The following MRPS6 variants were observed in gnomAD, a reference collection of about 807,000 sequenced individuals.
MRPS6 encodes the protein mitochondrial ribosomal protein S6, also known as small ribosomal subunit protein bS6m.
In MRPS6, 6 loss-of-function variants were observed where a neutral mutation model predicts 13.1. That is an observed-to-expected ratio of 0.46 (90% CI 0.25 to 0.91). MRPS6 has a LOEUF of 0.91. Ranked by LOEUF, MRPS6 falls within the 40% of genes least tolerant of loss-of-function variation. The probability of loss-of-function intolerance (pLI) is 0.18; values close to 1 mark genes in which losing one functional copy is unlikely to be tolerated. For synonymous variants in MRPS6, 61 were observed against 56.5 expected, an observed-to-expected ratio of 1.08 and a Z score of -0.36; for missense variants, 164 against 155.6, an observed-to-expected ratio of 1.05 and a Z score of -0.29.
chr21:34,074,993 T>G (rs1370157410), intron 1 of MRPS6, among the ~76,000 whole-genome samples: 1 of 152,196 alleles, frequency 6.6e-6, no homozygotes, highest in Admixed American at 6.5e-5. Context: ...TCTTCATGGA[T>G]TTGGAAGAAG....
chr21:34,105,478 A>G (rs1979436258), intron 1 of MRPS6: 2 of 999,720 alleles, frequency 2.0e-6, no homozygotes, highest in Non-Finnish European at 2.4e-6. Flanking sequence ...TTATCTAGTA[A>G]TTTTGATATG....
chr21:34,131,567 TTTTGTAGGTCTC>T, intron 2 of MRPS6, among the ~76,000 whole-genome samples: 3 of 152,224 alleles, frequency 2.0e-5, no homozygotes, highest in Admixed American at 2.0e-4. Context: ...TAACTCCCAT[TTTTGTAGGTCTC>T]TTGTGGACCT....
At chr21:34,075,899 C>A (rs1989318961) in intron 1 of MRPS6, among the ~76,000 whole-genome samples, 1 of 152,194 alleles carries the variant, frequency 6.6e-6, no homozygotes, top group African/African-American at 2.4e-5. Flanking sequence ...AAAAATGCGA[C>A]TGTGAGCTTG....
chr21:34,113,302 A>G (rs774263220), intron 1 of MRPS6, among the ~76,000 whole-genome samples: 2 of 152,214 alleles, frequency 1.3e-5, no homozygotes, highest in African/African-American at 2.4e-5. Flanking sequence ...ACTATTCACA[A>G]TAGCTGAGAT....
intron 1 of MRPS6, chr21:34,105,099 A>G: frequency 1.0e-6 from 1 of 1,000,172 alleles, no homozygotes; most frequent in Non-Finnish European, 1.2e-6. Flanking sequence ...ATTTTTTTTA[A>G]TAATGCCATA....
In MRPS6 at chr21:34,099,512, C is replaced by A; in HGVS notation, c.45+25767C>A. The A allele has an allele frequency of 5.0e-6, 5 of 998,618 alleles. No homozygotes were observed. In the South Asian group the frequency reaches 2.4e-4, roughly 47 times the overall value. The allele number at this position is 998,618 out of a possible 1,614,324, so 61.9% of individuals were successfully genotyped here. A position where few individuals can be genotyped will look rare whatever the true frequency, so the allele number is the denominator to read the frequency against. The stretch of plus-strand genomic sequence containing the variant: ...GTAAGAACTAAAATTTTCTTTGAAC[C>A]ACATTACTGTGTAATTCACTGATAA... On this transcript the variant is annotated intron_variant, in intron 1 of 2. Coordinates refer to ENST00000399312, the MANE Select transcript of MRPS6 (RefSeq NM_032476.4).
chr21:34,128,288 G>A (rs535723148), intron 2 of MRPS6, among the ~76,000 whole-genome samples: 3 of 152,288 alleles, frequency 2.0e-5, no homozygotes, highest in South Asian at 2.1e-4. Flanking sequence ...TGGGGCTGAC[G>A]GGTAGGTATC....
chr21:34,131,044 T>C (rs753170609), intron 2 of MRPS6, among the ~76,000 whole-genome samples: 2 of 152,206 alleles, frequency 1.3e-5, no homozygotes, highest in Non-Finnish European at 1.5e-5. Flanking sequence ...TCGAAGGTGC[T>C]GGGAATGTGT....
intron 2 of MRPS6, among the ~76,000 whole-genome samples, chr21:34,133,459 TAACCCTGTG>T (rs1980576734): frequency 6.6e-6 from 1 of 152,228 alleles, no homozygotes; most frequent in Non-Finnish European, 1.5e-5. Context: ...CACAAGCTTC[TAACCCTGTG>T]AAGCAGTTGA....
At chr21:34,135,902 G>T in intron 2 of MRPS6, 1 of 498,576 alleles carries the variant, frequency 2.0e-6, no homozygotes, top group African/African-American at 2.0e-5. Flanking sequence ...GCATTGTGAG[G>T]CAGGTACTTG....
chr21:34,106,057 A>G (rs1979463467), intron 1 of MRPS6: 1 of 997,958 alleles, frequency 1.0e-6, no homozygotes, highest in Non-Finnish European at 1.2e-6. Context: ...CTGACTCTGT[A>G]AAATACACTG....
chr21:34,095,506 G>A lies in MRPS6; in HGVS notation c.45+21761G>A, dbSNP rs758176208. On this transcript the variant is annotated intron_variant, in intron 1 of 2. Coordinates refer to ENST00000399312, the MANE Select transcript of MRPS6 (RefSeq NM_032476.4). Reference sequence around the variant, plus strand: ...TGGGTTTTCATCCCAATTTACATCCGGTCAGGGGTATATACCATGCCTGAA... The same window carrying A: ...TGGGTTTTCATCCCAATTTACATCCAGTCAGGGGTATATACCATGCCTGAA... 2.5e-6 allele frequency: 4 copies of A among 1,613,812 alleles called. No individual in the cohort carries two copies. The South Asian group carries it at 3.3e-5, about 13-fold the overall frequency.
At chr21:34,131,817 CCACAGG>C (rs1406095349) in intron 2 of MRPS6, among the ~76,000 whole-genome samples, 2 of 152,218 alleles carry the variant, frequency 1.3e-5, no homozygotes, top group Non-Finnish European at 2.9e-5. Context: ...GGACAGTCTC[CCACAGG>C]ACTGCGGTGG....
In MRPS6 at chr21:34,097,959, A is replaced by G. The variant is rs1358193151; in HGVS notation, c.45+24214A>G. ...GTAGGTATTTTTGTACCACCAGTATATGGAATGTTAGGGAAAAACTTTGTT... is the reference window on the plus strand; with the variant it reads ...GTAGGTATTTTTGTACCACCAGTATGTGGAATGTTAGGGAAAAACTTTGTT... On this transcript the variant is annotated intron_variant, in intron 1 of 2. Transcript: ENST00000399312. 13 of 995,360 alleles carry G rather than the reference A, an allele frequency of 1.3e-5. 1 individual carries two copies. In the South Asian group the frequency reaches 5.2e-4, roughly 40 times the overall value. 61.7% of individuals were successfully genotyped at this position (995,360 alleles called of 1,614,324 possible). A position where few individuals can be genotyped will look rare whatever the true frequency, so the allele number is the denominator to read the frequency against.
intron 1 of MRPS6, among the ~76,000 whole-genome samples, chr21:34,116,619 C>T (rs1466296812): frequency 6.7e-6 from 1 of 149,062 alleles, no homozygotes; most frequent in Non-Finnish European, 1.5e-5. Flanking sequence ...ACCCTGGCTA[C>T]GGATGAAATG....
intron 1 of MRPS6, among the ~76,000 whole-genome samples, chr21:34,094,325 A>G (rs1240143787): frequency 6.6e-6 from 1 of 152,146 alleles, no homozygotes; most frequent in African/African-American, 2.4e-5. Flanking sequence ...TCCAGAGACT[A>G]GGCAGTACTT....
At chr21:34,081,995 C>T (rs1381226548) in intron 1 of MRPS6, among the ~76,000 whole-genome samples, 3 of 151,386 alleles carry the variant, frequency 2.0e-5, no homozygotes, top group African/African-American at 7.3e-5. Flanking sequence ...CTGGTTTTGC[C>T]AGCTTTTTTT....
chr21:34,112,993 TCAAAAA>T (rs1278954390), intron 1 of MRPS6, among the ~76,000 whole-genome samples: 1 of 151,738 alleles, frequency 6.6e-6, no homozygotes, highest in African/African-American at 2.4e-5. Flanking sequence ...CCTGTCTCTA[TCAAAAA>T]CAAACAAATG....
intron 1 of MRPS6, chr21:34,100,952 A>G (rs1408288973): frequency 1.0e-6 from 1 of 1,000,012 alleles, no homozygotes. Flanking sequence ...GGGTTAACTT[A>G]TGATGATTCT....
Sources: gnomAD v4.1 joint callset for allele counts (sites outside exome capture counted in the v4.1 genomes callset) on GRCh38, gnomAD v4.1.1 for gene constraint, MANE v1.5 for transcripts, NCBI Gene and HGNC (gene_info 2026-07-23, HGNC 2026-07-21) for gene names.